The following CPNE8 variants were observed in gnomAD, a reference collection of about 807,000 sequenced individuals.
CPNE8 encodes copine 8, also known as copine-8.
CPNE8 carries 45 observed loss-of-function variants against 81.5 expected under a neutral mutation model. The ratio of observed to expected loss-of-function variants is 0.55; its 90% CI spans 0.44 to 0.71. CPNE8 has a LOEUF of 0.71. Among genes scored for constraint, CPNE8 ranks in the 30% least tolerant of loss-of-function variants. CPNE8 has a pLI of 0.00. For synonymous variants in CPNE8, 252 were observed against 226.3 expected (o/e 1.11, Z -1.02); for missense variants, 594 against 672.1 (o/e 0.88, Z 1.28).
chr12:38,776,662 A>G (rs568373837), intron 6 of CPNE8, among the ~76,000 whole-genome samples: 1 of 152,180 alleles, frequency 6.6e-6, no homozygotes, highest in Non-Finnish European at 1.5e-5. Context: ...TCCTCTCCTC[A>G]AGAATCTTCA....
At chr12:38,798,123 C>A (rs1942548360) in intron 6 of CPNE8, among the ~76,000 whole-genome samples, 1 of 152,174 alleles carries the variant, frequency 6.6e-6, no homozygotes, top group Non-Finnish European at 1.5e-5. Flanking sequence ...GGAAAACACT[C>A]TGCAAGACAT....
chr12:38,713,140 C>G (rs1385085634), intron 13 of CPNE8, among the ~76,000 whole-genome samples: 1 of 152,100 alleles, frequency 6.6e-6, no homozygotes, highest in Non-Finnish European at 1.5e-5. Flanking sequence ...ATGCCAGAAC[C>G]CAAATTCTTT....
intron 1 of CPNE8, among the ~76,000 whole-genome samples, chr12:38,898,004 C>A (rs1268987368): frequency 1.3e-5 from 2 of 152,130 alleles, no homozygotes; most frequent in Non-Finnish European, 2.9e-5. Context: ...CAGCGCTAAG[C>A]AAAACTGGCT....
chr12:38,753,215 G>A (rs547550586), intron 10 of CPNE8, among the ~76,000 whole-genome samples: 2 of 152,304 alleles, frequency 1.3e-5, no homozygotes, highest in African/African-American at 4.8e-5. Flanking sequence ...ACTTTGGGAG[G>A]CCGAGACGGG....
chr12:38,902,415 GAAAAAGAAAGAAAGAA>G lies in CPNE8; in HGVS notation c.98+3006_98+3021del, dbSNP rs1565670408. Among the ~76,000 whole-genome samples, 19 of 98,812 alleles carry G rather than the reference GAAAAAGAAAGAAAGAA, an allele frequency of 1.9e-4. 1 individual carries two copies. The highest frequency in any genetic ancestry group is 8.8e-4 in the African/African-American group (18 of 20,464). 64.8% of individuals were successfully genotyped at this position (98,812 alleles called of 152,430 possible). On this transcript the variant is annotated intron_variant, in intron 1 of 19. Coordinates refer to ENST00000331366, the MANE Select transcript of CPNE8 (RefSeq NM_153634.3). ...AAAGAGAAAGAAAGAAAGAAAGAAAGAAAAAGAAAGAAAGAAAGAAAGGAGAGAGAGAAAGAAAGAT... is the reference window on the plus strand; with the variant it reads ...AAAGAGAAAGAAAGAAAGAAAGAAAGAGAAAGGAGAGAGAGAAAGAAAGAT...
rs576900831 is a variant in CPNE8 at position 38,774,391 on chromosome 12, A to C, written c.471+1847T>G. On this transcript the variant is annotated intron_variant, in intron 7 of 19. Coordinates refer to ENST00000331366, the MANE Select transcript of CPNE8 (RefSeq NM_153634.3). ...TATCATACAAAACATATATTATTTG[A>C]AACATTTACAAATTGAGACAAGTAT... Among the ~76,000 whole-genome samples the C allele has an allele frequency of 2.1e-4, 32 of 152,266 alleles. No homozygotes were observed. The South Asian group carries it at 6.4e-3, about 31-fold the overall frequency.
chr12:38,762,103 C>G lies in CPNE8; in HGVS notation c.680+9G>C, dbSNP rs776895819. 1 of 1,323,674 alleles carries G rather than the reference C, an allele frequency of 7.6e-7. No individual in the cohort carries two copies. The highest frequency in any genetic ancestry group is 1.7e-5 in the South Asian group (1 of 58,554). 82.0% of individuals were successfully genotyped at this position (1,323,674 alleles called of 1,614,324 possible). The stretch of plus-strand genomic sequence containing the variant: ...ATTTGAAGATTTTTGAATAAACTAT[C>G]CTTCTTACCTGTCATAGTCTCCATT... On this transcript the variant is annotated intron_variant, in intron 9 of 19. Transcript: ENST00000331366.
At chr12:38,817,840 G>A (rs763560967) in intron 6 of CPNE8, among the ~76,000 whole-genome samples, 7 of 151,914 alleles carry the variant, frequency 4.6e-5, no homozygotes, top group Non-Finnish European at 8.8e-5. Context: ...AGCCAGGATG[G>A]TCTCGATCTC....
intron 6 of CPNE8, among the ~76,000 whole-genome samples, chr12:38,782,011 T>A (rs148040383): frequency 4.6e-5 from 7 of 152,030 alleles, no homozygotes; most frequent in African/African-American, 1.7e-4. Context: ...AAAAAGAACA[T>A]TAGTGAAAAA....
intron 3 of CPNE8, 54 bp downstream of exon 3, chr12:38,872,950 T>C: frequency 1.0e-6 from 1 of 985,828 alleles, no homozygotes; most frequent in East Asian, 2.4e-5. Flanking sequence ...GATCAAGTTA[T>C]AACTTACTGT....
At chr12:38,769,780 C>T (rs1361936448) in intron 7 of CPNE8, among the ~76,000 whole-genome samples, 2 of 152,092 alleles carry the variant, frequency 1.3e-5, no homozygotes, top group Non-Finnish European at 1.5e-5. Flanking sequence ...CATGAATTTT[C>T]ATAGGCTCAC....
chr12:38,784,319 G>A (rs1432057140), intron 6 of CPNE8, among the ~76,000 whole-genome samples: 2 of 151,854 alleles, frequency 1.3e-5, no homozygotes, highest in African/African-American at 4.8e-5. Context: ...GACATTCAGA[G>A]AAGACAAAAG....
At chr12:38,838,334 G>A (rs1364881381) in intron 5 of CPNE8, among the ~76,000 whole-genome samples, 1 of 152,100 alleles carries the variant, frequency 6.6e-6, no homozygotes, top group African/African-American at 2.4e-5. Context: ...TGTGGCCTGA[G>A]AGAGAGAAAG....
chr12:38,845,128 G>A (rs1291344784), intron 4 of CPNE8, among the ~76,000 whole-genome samples: 1 of 152,014 alleles, frequency 6.6e-6, no homozygotes, highest in Non-Finnish European at 1.5e-5. Context: ...AAAACCTCAA[G>A]GACCTGCTGT....
rs572470733 is a variant in CPNE8 at position 38,776,788 on chromosome 12, T to G, written c.408-487A>C. The stretch of plus-strand genomic sequence containing the variant: ...ATATACATTGGTGGCCCCATAACAT[T>G]ATAATGGAGCTGAAAACTTTCTACT... On this transcript the variant is annotated intron_variant, in intron 6 of 19. Coordinates refer to ENST00000331366, the MANE Select transcript of CPNE8 (RefSeq NM_153634.3). 1.4e-4 allele frequency among the ~76,000 whole-genome samples: 21 copies of G among 152,254 alleles called. No homozygotes were observed. The East Asian group carries it at 3.9e-3, about 28-fold the overall frequency.
At position 38,829,397 on chromosome 12, in the gene CPNE8, C is replaced by A; in HGVS notation, c.389G>T (p.Arg130Leu). Reference sequence around the variant, plus strand: ...TACTTACACTATTGGTTTTTCCAGGCGACTTCCCTGTGAACCAACGATCTC... The same window carrying A: ...TACTTACACTATTGGTTTTTCCAGGAGACTTCCCTGTGAACCAACGATCTC... Reference protein sequence around the residue: ...LGEIVGSQGSRLEKPIVGIPG... With the variant: ...LGEIVGSQGSLLEKPIVGIPG... The change falls in exon 6 of 20, where the codon CGC becomes CTC. Residue 130 changes from arginine to leucine, a missense_variant. Coordinates refer to ENST00000331366, the MANE Select transcript of CPNE8 (RefSeq NM_153634.3). 1 of 1,611,788 alleles carries A rather than the reference C, an allele frequency of 6.2e-7. No homozygotes were observed. The highest frequency in any genetic ancestry group is 8.5e-7 in the Non-Finnish European group (1 of 1,177,952).
chr12:38,880,758 T>C (rs1331422919), intron 1 of CPNE8, among the ~76,000 whole-genome samples: 2 of 152,154 alleles, frequency 1.3e-5, no homozygotes, highest in East Asian at 3.9e-4. Flanking sequence ...AAATGCAATG[T>C]TTAATTCTCT....
At chr12:38,664,492 A>G (rs1382801969) in intron 19 of CPNE8, among the ~76,000 whole-genome samples, 2 of 152,088 alleles carry the variant, frequency 1.3e-5, no homozygotes, top group African/African-American at 4.8e-5. Flanking sequence ...TATAAGGAAG[A>G]TTATTATTAA....
chr12:38,750,768 C>T (rs1289801516), intron 10 of CPNE8, among the ~76,000 whole-genome samples: 45 of 152,124 alleles, frequency 3.0e-4, no homozygotes, highest in Admixed American at 2.9e-3. Context: ...TCTCAGATGA[C>T]ACTTTGGACT....
Sources: gnomAD v4.1 joint callset for allele counts (sites outside exome capture counted in the v4.1 genomes callset) on GRCh38, gnomAD v4.1.1 for gene constraint, MANE v1.5 for transcripts, NCBI Gene and HGNC (gene_info 2026-07-23, HGNC 2026-07-21) for gene names.